Variants in FGF14 observed in about 807,000 individuals in gnomAD.
FGF14 encodes the protein fibroblast growth factor 14.
A neutral mutation model predicts 25.5 loss-of-function variants in FGF14; 5 were observed. The ratio of observed to expected loss-of-function variants is 0.20; its 90% CI spans 0.10 to 0.41. The LOEUF (loss-of-function observed/expected upper bound fraction) is 0.41. FGF14 is among the 10% of genes least tolerant of loss of function. FGF14 has a pLI of 1.00. For synonymous variants in FGF14, 138 were observed against 118.3 expected, an observed-to-expected ratio of 1.17 and a Z score of -1.08; for missense variants, 222 against 320.1, an observed-to-expected ratio of 0.69 and a Z score of 2.34.
rs754948258 is a variant in FGF14, at chr13:102,234,213, AATAT to A, written c.208+167254_208+167257del. On this transcript the variant is annotated intron_variant, in intron 1 of 4. Transcript: ENST00000376131. ...ATGTGAAGGTACTTAATACCATGGA[AATAT>A]ACGCTTAAATGTGAAGGTACTTAAT... is the stretch of plus-strand genomic sequence containing the variant. 1.1e-4 allele frequency among the ~76,000 whole-genome samples: 17 copies of A among 150,854 alleles called. 1 individual carries two copies. Among genetic ancestry groups the A allele is most frequent in the South Asian group, 2.1e-4 (1 of 4,774 alleles).
intron 1 of FGF14, among the ~76,000 whole-genome samples, chr13:101,930,228 C>T (rs2034657643): frequency 1.3e-5 from 2 of 152,110 alleles, no homozygotes; most frequent in East Asian, 1.9e-4. Context: ...AACAACAAAA[C>T]ATTTTTCCTT....
At chr13:102,281,095 G>A (rs1197485098) in intron 1 of FGF14, among the ~76,000 whole-genome samples, 2 of 152,112 alleles carry the variant, frequency 1.3e-5, no homozygotes, top group Non-Finnish European at 2.9e-5. Flanking sequence ...TTGAGTTTCA[G>A]TAGTAATATT....
At chr13:102,235,008 T>A (rs1453278445) in intron 1 of FGF14, among the ~76,000 whole-genome samples, 1 of 152,218 alleles carries the variant, frequency 6.6e-6, no homozygotes, top group East Asian at 1.9e-4. Flanking sequence ...ATACAGTATC[T>A]GTCATACTGA....
intron 1 of FGF14, among the ~76,000 whole-genome samples, chr13:102,369,367 G>A (rs772307885): frequency 2.6e-5 from 4 of 152,148 alleles, no homozygotes; most frequent in Non-Finnish European, 5.9e-5. Flanking sequence ...TTTCCTCTGT[G>A]GTAGCCAAAG....
chr13:102,325,735 A>T (rs983767377), intron 1 of FGF14, among the ~76,000 whole-genome samples: 2 of 152,114 alleles, frequency 1.3e-5, no homozygotes, highest in African/African-American at 4.8e-5. Context: ...TGCTCTACTT[A>T]TCTACCATGT....
intron 1 of FGF14, among the ~76,000 whole-genome samples, chr13:102,352,668 C>G (rs1003675120): frequency 1.8e-4 from 27 of 152,008 alleles, no homozygotes; most frequent in African/African-American, 6.5e-4. Context: ...AAAAATTAGC[C>G]GGGGGCGGTG....
At chr13:102,032,189 GA>G (rs2041245860) in intron 1 of FGF14, among the ~76,000 whole-genome samples, 1 of 152,088 alleles carries the variant, frequency 6.6e-6, no homozygotes, top group African/African-American at 2.4e-5. Context: ...ATCCACATTG[GA>G]ATCAAAATTA....
intron 3 of FGF14, among the ~76,000 whole-genome samples, chr13:101,767,103 A>G (rs1007711818): frequency 3.3e-5 from 5 of 152,210 alleles, no homozygotes; most frequent in African/African-American, 1.2e-4. Flanking sequence ...CTCCTCAAAG[A>G]AGTCTGAATT....
intron 1 of FGF14, among the ~76,000 whole-genome samples, chr13:102,327,346 A>C (rs1357462701): frequency 6.6e-6 from 1 of 152,202 alleles, no homozygotes; most frequent in African/African-American, 2.4e-5. Flanking sequence ...AACCACTTAA[A>C]AGTCACCACT....
intron 1 of FGF14, among the ~76,000 whole-genome samples, chr13:101,975,494 C>T (rs1042704242): frequency 2.0e-5 from 3 of 152,208 alleles, no homozygotes; most frequent in Non-Finnish European, 2.9e-5. Context: ...CCATCCTCCT[C>T]TTCCTGCCTC....
chr13:102,101,891 TG>T lies in FGF14; in HGVS notation c.209-226596del, dbSNP rs564983856. ...TTAATTTTTGCATTTTTAGTAGAGATGGGGTTTCACTATGTTGGCCGGGCTG... is the reference window on the plus strand; with the variant it reads ...TTAATTTTTGCATTTTTAGTAGAGATGGGTTTCACTATGTTGGCCGGGCTG... On this transcript the variant is annotated intron_variant, in intron 1 of 4. Coordinates refer to the FGF14 transcript ENST00000376131. 1.2e-3 allele frequency among the ~76,000 whole-genome samples: 184 copies of T among 152,176 alleles called. 1 individual carries two copies. The highest frequency in any genetic ancestry group is 4.3e-3 in the African/African-American group (177 of 41,520).
At position 101,924,002 on chromosome 13, in the gene FGF14, A is replaced by G. The variant is rs146566406; in HGVS notation, c.209-48706T>C. Reference sequence around the variant, plus strand: ...ACTAAAGTGAATCCAAAATGGGCATAGAAGTCATTTCTGAGTTGTGAATAT... The same window carrying G: ...ACTAAAGTGAATCCAAAATGGGCATGGAAGTCATTTCTGAGTTGTGAATAT... On this transcript the variant is annotated intron_variant, in intron 1 of 4. Transcript: ENST00000376131. Among the ~76,000 whole-genome samples the G allele has an allele frequency of 2.8e-3, 429 of 152,230 alleles. 4 individuals are homozygous for G. The highest frequency in any genetic ancestry group is 1.5e-3 in the East Asian group (8 of 5,190).
chr13:102,207,007 T>A (rs912268796), intron 1 of FGF14, among the ~76,000 whole-genome samples: 2 of 151,936 alleles, frequency 1.3e-5, no homozygotes, highest in African/African-American at 4.8e-5. Flanking sequence ...CCTGGTCGGG[T>A]ACAATGGCTC....
intron 3 of FGF14, among the ~76,000 whole-genome samples, chr13:101,837,192 T>TTG (rs936193711): frequency 7.9e-5 from 12 of 151,456 alleles, no homozygotes; most frequent in Admixed American, 7.9e-4. Context: ...GTATGTGTGT[T>TTG]TGTGTGTGTG....
chr13:102,259,812 G>A (rs538541001), intron 1 of FGF14, among the ~76,000 whole-genome samples: 141 of 152,276 alleles, frequency 9.3e-4, no homozygotes, highest in African/African-American at 2.1e-3. Flanking sequence ...GATAGAGCCC[G>A]AAGTAGGAAT....
chr13:102,312,490 A>C (rs1404199548), intron 1 of FGF14, among the ~76,000 whole-genome samples: 1 of 152,180 alleles, frequency 6.6e-6, no homozygotes, highest in Non-Finnish European at 1.5e-5. Context: ...AATAGGACTG[A>C]TACTTGGGCC....
intron 1 of FGF14, among the ~76,000 whole-genome samples, chr13:102,057,638 G>T (rs1374490418): frequency 2.0e-5 from 3 of 152,106 alleles, no homozygotes. Flanking sequence ...TGAGTAAATA[G>T]CTATTTATGG....
intron 1 of FGF14, among the ~76,000 whole-genome samples, chr13:102,217,494 T>C (rs2140943786): frequency 6.6e-6 from 1 of 152,302 alleles, no homozygotes; most frequent in South Asian, 2.1e-4. Flanking sequence ...AAAATCATTT[T>C]TATATTTTAA....
chr13:101,884,310 T>G (rs1405009227), intron 1 of FGF14, among the ~76,000 whole-genome samples: 1 of 151,746 alleles, frequency 6.6e-6, no homozygotes, highest in Non-Finnish European at 1.5e-5. Context: ...ACAGACAGGG[T>G]GGGCCTGGGG....
Sources: gnomAD v4.1 joint callset for allele counts (sites outside exome capture counted in the v4.1 genomes callset) on GRCh38, gnomAD v4.1.1 for gene constraint, MANE v1.5 for transcripts, NCBI Gene and HGNC (gene_info 2026-07-23, HGNC 2026-07-21) for gene names.